BTAF1: variants seen among roughly 807,000 people sequenced by gnomAD.
BTAF1 encodes B-TFIID TATA-box binding protein associated factor 1.
BTAF1 carries 38 observed loss-of-function variants against 227.1 expected under a neutral mutation model. That is an observed-to-expected ratio of 0.17 (90% confidence interval 0.13 to 0.22). The LOEUF (loss-of-function observed/expected upper bound fraction) is 0.22, where lower values mean the gene tolerates loss of function less well. Ranked by LOEUF, BTAF1 falls within the 10% of genes least tolerant of loss-of-function variation. The probability of loss-of-function intolerance (pLI) is 1.00; values close to 1 mark genes in which losing one functional copy is unlikely to be tolerated. For synonymous variants in BTAF1, 742 were observed against 751.9 expected, an observed-to-expected ratio of 0.99 and a Z score of 0.21; for missense variants, 1,598 against 2,204.0, an observed-to-expected ratio of 0.73 and a Z score of 5.51.
intron 21 of BTAF1, among the ~76,000 whole-genome samples, chr10:91,992,931 A>G (rs1848898152): frequency 6.6e-6 from 1 of 152,240 alleles, no homozygotes. Context: ...AATAGAATGA[A>G]TGCTCTAGTT....
chr10:91,955,856 T>A (rs532167648), intron 6 of BTAF1, among the ~76,000 whole-genome samples: 47 of 152,272 alleles, frequency 3.1e-4, no homozygotes, highest in Non-Finnish European at 5.6e-4. Flanking sequence ...AAAAAATGGT[T>A]GGCCAAATAA....
intron 8 of BTAF1, 76 bp downstream of exon 8, chr10:91,957,369 A>G: frequency 1.6e-6 from 2 of 1,219,862 alleles, no homozygotes; most frequent in South Asian, 1.4e-5. Flanking sequence ...AGAGCAATAT[A>G]CTTTGTCAGA....
chr10:91,935,619 A>C (rs772550722), intron 1 of BTAF1, 38 bp from the exon 2 acceptor site: 3 of 1,603,480 alleles, frequency 1.9e-6, no homozygotes, highest in Non-Finnish European at 2.6e-6. Context: ...TACGAGGAAA[A>C]GCATTTGAGA....
intron 8 of BTAF1, among the ~76,000 whole-genome samples, chr10:91,958,059 A>AT (rs1564672872): frequency 6.6e-6 from 1 of 151,564 alleles, no homozygotes; most frequent in African/African-American, 2.4e-5. Context: ...TCACTTTTTG[A>AT]TTTTTTTGAG....
chr10:91,940,958 C>T (rs1378489319), intron 3 of BTAF1, among the ~76,000 whole-genome samples: 3 of 152,254 alleles, frequency 2.0e-5, no homozygotes, highest in South Asian at 4.1e-4. Flanking sequence ...CTGAGGCCCA[C>T]GTCAGCCTCC....
Position 91,988,557 on chromosome 10 carries a change from C to T in BTAF1, c.2428-597C>T, listed in dbSNP as rs190629431. 7.0e-4 allele frequency among the ~76,000 whole-genome samples: 107 copies of T among 152,284 alleles called. 3 individuals carry two copies. In the South Asian group the frequency reaches 7.9e-3, roughly 11 times the overall value. Reference sequence around the variant, plus strand: ...AACAGTCCTGTAGCCTTAGATAGCTCTTGGTAATTAAGTGAATGATAACTG... The same window carrying T: ...AACAGTCCTGTAGCCTTAGATAGCTTTTGGTAATTAAGTGAATGATAACTG... On this transcript the variant is annotated intron_variant, in intron 19 of 37. Transcript: ENST00000265990.
intron 4 of BTAF1, among the ~76,000 whole-genome samples, chr10:91,944,862 T>C (rs1054837450): frequency 6.6e-6 from 1 of 152,258 alleles, no homozygotes; most frequent in Non-Finnish European, 1.5e-5. Flanking sequence ...TATACAGTTG[T>C]GGTCCCATAA....
At chr10:91,960,663 G>A (rs189482653) in intron 11 of BTAF1, among the ~76,000 whole-genome samples, 250 of 151,316 alleles carry the variant, frequency 1.7e-3, no homozygotes, top group Non-Finnish European at 2.9e-3. Context: ...TTTTCATATA[G>A]GGAAATAAGT....
At chr10:91,980,811 G>A (rs1250701787) in intron 15 of BTAF1, among the ~76,000 whole-genome samples, 1 of 152,074 alleles carries the variant, frequency 6.6e-6, no homozygotes, top group Non-Finnish European at 1.5e-5. Context: ...CCTCAATACA[G>A]AAAATGAAAT....
intron 2 of BTAF1, among the ~76,000 whole-genome samples, chr10:91,937,956 T>C (rs1165359145): frequency 6.6e-6 from 1 of 152,250 alleles, no homozygotes; most frequent in African/African-American, 2.4e-5. Context: ...ACTTTGATTA[T>C]AGCCATCCTG....
chr10:92,028,619 A>G (rs780247309), intron 37 of BTAF1, among the ~76,000 whole-genome samples, 171 bp from the exon 38 acceptor site: 4 of 152,164 alleles, frequency 2.6e-5, no homozygotes, highest in Admixed American at 6.5e-5. Context: ...TTCTTTCCAA[A>G]TAAAAAACTG....
intron 25 of BTAF1, among the ~76,000 whole-genome samples, chr10:92,000,317 A>G (rs1849433154): frequency 6.6e-6 from 1 of 152,210 alleles, no homozygotes; most frequent in Non-Finnish European, 1.5e-5. Context: ...ATAAGTGAGC[A>G]GTGGGAAGCT....
rs888097071 is a variant in BTAF1, at chr10:91,981,636, C to G, written c.1756-7C>G. 10 of 1,570,162 alleles carry G rather than the reference C, an allele frequency of 6.4e-6. No homozygotes were observed. The highest frequency in any genetic ancestry group is 1.9e-5 in the Admixed American group (1 of 51,344). On this transcript the variant is annotated splice_region_variant and splice_polypyrimidine_tract_variant and intron_variant, in intron 15 of 37. Coordinates refer to ENST00000265990, the MANE Select transcript of BTAF1 (RefSeq NM_003972.3). Reference sequence around the variant, plus strand: ...ATTCACTTTCATGTCCCCCTTTTACCCTGCAGGTTTGGATGGAACTGTTGA... The same window carrying G: ...ATTCACTTTCATGTCCCCCTTTTACGCTGCAGGTTTGGATGGAACTGTTGA...
intron 20 of BTAF1, among the ~76,000 whole-genome samples, chr10:91,991,491 C>G (rs1345240285): frequency 6.7e-6 from 1 of 150,194 alleles, no homozygotes; most frequent in African/African-American, 2.4e-5. Context: ...TGGCTCATGC[C>G]TATAATCCCA....
At chr10:91,947,367 T>C (rs1031524613) in intron 4 of BTAF1, among the ~76,000 whole-genome samples, 7 of 151,970 alleles carry the variant, frequency 4.6e-5, no homozygotes, top group African/African-American at 1.7e-4. Flanking sequence ...TTTTATCGAT[T>C]TTGAGTTTTT....
chr10:91,981,419 T>G (rs184299566), intron 15 of BTAF1, among the ~76,000 whole-genome samples: 59 of 152,308 alleles, frequency 3.9e-4, no homozygotes, highest in East Asian at 2.1e-3. Flanking sequence ...AAGAGAATTG[T>G]GTTCTTTTTT....
intron 6 of BTAF1, among the ~76,000 whole-genome samples, chr10:91,955,509 G>GAAC (rs1020849990): frequency 6.6e-6 from 1 of 152,086 alleles, no homozygotes; most frequent in African/African-American, 2.4e-5. Flanking sequence ...AACAGGGAAG[G>GAAC]AACATGTGAA....
intron 14 of BTAF1, among the ~76,000 whole-genome samples, chr10:91,970,556 G>A (rs1023287770): frequency 2.6e-5 from 4 of 152,098 alleles, no homozygotes; most frequent in Admixed American, 1.3e-4. Flanking sequence ...AGAATTATTC[G>A]CTGTCATGAG....
At chr10:91,968,015 A>G (rs1373191516) in intron 14 of BTAF1, among the ~76,000 whole-genome samples, 1 of 152,188 alleles carries the variant, frequency 6.6e-6, no homozygotes, top group African/African-American at 2.4e-5. Context: ...AGTGTGGTAC[A>G]TTTATTAAAA....
Sources: allele counts gnomAD v4.1 joint callset (sites outside exome capture counted in the v4.1 genomes callset), GRCh38; gene constraint gnomAD v4.1.1; transcripts MANE v1.5; gene names NCBI Gene and HGNC (gene_info 2026-07-23, HGNC 2026-07-21).